ALDH1A2: variants seen among roughly 807,000 people sequenced by gnomAD.
ALDH1A2 encodes the protein retinal dehydrogenase 2.
Under a neutral mutation model 60.3 loss-of-function variants are expected in ALDH1A2, and 27 were observed. The observed-to-expected ratio is 0.45, with a 90% CI of 0.33 to 0.62. The LOEUF (loss-of-function observed/expected upper bound fraction) is 0.62. Among genes scored for constraint, ALDH1A2 ranks in the 20% least tolerant of loss-of-function variants. The pLI is 0.02. For missense variants in ALDH1A2, 581 were observed against 643.8 expected (o/e 0.90, Z 1.06); for synonymous variants, 289 against 232.4 (o/e 1.24, Z -2.21).
chr15:57,981,317 CACACACACACAG>C (rs1368597389), intron 7 of ALDH1A2, among the ~76,000 whole-genome samples: 1,966 of 150,070 alleles, frequency 0.013, 49 homozygotes, highest in African/African-American at 0.046. Flanking sequence ...CACACACACA[CACACACACACAG>C]ACACACACAA....
At position 57,962,111 on chromosome 15, in the gene ALDH1A2, C is replaced by A; in HGVS notation, c.1152G>T (p.Lys384Asn). The change falls in exon 10 of 13, where the codon AAG becomes AAT. Residue 384 changes from lysine (K) to asparagine (N), a missense_variant. Around this residue, in one of 2 missense-constraint regions of ALDH1A2, gnomAD observed 375 missense variants for 469.7 expected, o/e 0.80. Coordinates refer to ENST00000249750, the MANE Select transcript of ALDH1A2 (RefSeq NM_003888.4). ...LIQSGVAEGA[K>N]LECGGKGLGR... ...CCAGTCCTTTGCCTCCACATTCCAG[C>A]TTGGCGCCCTCAGCCACACCACTCT... 6.2e-7 allele frequency: 1 copy of A among 1,614,162 alleles called. No homozygotes were observed. The highest frequency in any genetic ancestry group is 1.3e-5 in the African/African-American group (1 of 75,050).
At position 58,065,621 on chromosome 15, in the gene ALDH1A2, G is replaced by A. The variant is rs752225219; in HGVS notation, c.30C>T (p.Gly10=). 1 of 1,607,022 alleles carries A rather than the reference G, an allele frequency of 6.2e-7. No homozygotes were observed. The highest frequency in any genetic ancestry group is 8.5e-7 in the Non-Finnish European group (1 of 1,176,330). ...GGGCGGCGGGGTCGGCCTTCACCTC[G>A]CCGGGCATCTCTATCTTGCTGGAAG... MTSSKIEMP[G]EVKADPAALM... Residue 10 remains glycine, a synonymous_variant, in exon 1 of 13, where the codon GGC becomes GGT. Transcript: ENST00000249750.
chr15:57,999,169 G>C lies in ALDH1A2; in HGVS notation c.494-4030C>G, dbSNP rs148643691. 1.9e-4 allele frequency among the ~76,000 whole-genome samples: 29 copies of C among 152,154 alleles called. No homozygotes were observed. The East Asian group carries it at 5.4e-3, about 28-fold the overall frequency. On this transcript the variant is annotated intron_variant, in intron 4 of 12. Coordinates refer to ENST00000249750, the MANE Select transcript of ALDH1A2 (RefSeq NM_003888.4). Reference sequence around the variant, plus strand: ...AGATTGCATGATGAAAACGTCAAAAGCAATCGCAACAAAAGCAAAAATTGA... The same window carrying C: ...AGATTGCATGATGAAAACGTCAAAACCAATCGCAACAAAAGCAAAAATTGA...
Position 57,992,925 on chromosome 15 carries a change from C to T in ALDH1A2, c.684+20G>A. On this transcript the variant is annotated intron_variant, in intron 6 of 12. Transcript: ENST00000249750. ...GCTGTAAGGGGAGTCAGAAGCACTC[C>T]CGAAGTCCGTTTCTCTTACCTCCTT... 1 of 1,614,040 alleles carries T rather than the reference C, an allele frequency of 6.2e-7. No individual in the cohort carries two copies.
chr15:58,060,886 A>G (rs569963913), intron 1 of ALDH1A2, among the ~76,000 whole-genome samples: 21 of 152,324 alleles, frequency 1.4e-4, no homozygotes, highest in African/African-American at 4.8e-4. Flanking sequence ...CTCAGAACTG[A>G]TAACTCTGGG....
chr15:57,992,247 C>T (rs747289346), intron 7 of ALDH1A2, among the ~76,000 whole-genome samples: 2 of 152,114 alleles, frequency 1.3e-5, no homozygotes, highest in Admixed American at 6.5e-5. Flanking sequence ...CTATCTAGCC[C>T]TATACAGAAA....
chr15:58,024,976 C>A (rs1444188081), intron 1 of ALDH1A2, among the ~76,000 whole-genome samples: 1 of 151,998 alleles, frequency 6.6e-6, no homozygotes, highest in Non-Finnish European at 1.5e-5. Flanking sequence ...TTAAAAACTT[C>A]TTGAAACAAA....
chr15:57,980,704 T>C (rs1256501989), intron 7 of ALDH1A2: 1 of 162,332 alleles, frequency 6.2e-6, no homozygotes, highest in Non-Finnish European at 1.4e-5. Context: ...CTTTTTGATG[T>C]GCTGCTGGAT....
At chr15:58,000,542 C>A (rs941213047) in intron 4 of ALDH1A2, among the ~76,000 whole-genome samples, 33 of 151,912 alleles carry the variant, frequency 2.2e-4, no homozygotes, top group Non-Finnish European at 4.4e-5. Flanking sequence ...TACCTGTTAG[C>A]CTTAAGGAAA....
At chr15:57,998,116 G>A (rs907749256) in intron 4 of ALDH1A2, among the ~76,000 whole-genome samples, 2 of 151,998 alleles carry the variant, frequency 1.3e-5, no homozygotes, top group Non-Finnish European at 2.9e-5. Context: ...AAAGATGGAA[G>A]CATTCCCCTT....
intron 1 of ALDH1A2, among the ~76,000 whole-genome samples, chr15:58,060,006 T>G (rs1355680212): frequency 2.0e-5 from 3 of 152,208 alleles, no homozygotes; most frequent in African/African-American, 7.2e-5. Flanking sequence ...TATTGCAACC[T>G]CTGCCTCCTG....
intron 1 of ALDH1A2, among the ~76,000 whole-genome samples, chr15:58,030,287 A>G (rs1359482884): frequency 6.6e-6 from 1 of 152,186 alleles, no homozygotes; most frequent in East Asian, 1.9e-4. Context: ...AAGGACAAAA[A>G]CCACATGATT....
intron 1 of ALDH1A2, among the ~76,000 whole-genome samples, chr15:58,031,102 C>A (rs1477737649): frequency 6.6e-6 from 1 of 152,054 alleles, no homozygotes; most frequent in African/African-American, 2.4e-5. Flanking sequence ...AAGCTAGAGG[C>A]ATCATGCTAC....
intron 4 of ALDH1A2, among the ~76,000 whole-genome samples, chr15:58,010,077 C>A (rs1316066003): frequency 1.3e-5 from 2 of 151,932 alleles, no homozygotes; most frequent in African/African-American, 4.8e-5. Flanking sequence ...TGTCATGTAA[C>A]CTGAATCTTA....
intron 1 of ALDH1A2, among the ~76,000 whole-genome samples, chr15:58,057,722 C>A (rs1896932349): frequency 6.6e-6 from 1 of 152,144 alleles, no homozygotes; most frequent in South Asian, 2.1e-4. Context: ...GTGTGCATGA[C>A]CCCACTCCAC....
At chr15:58,019,114 C>T (rs1299271362) in intron 1 of ALDH1A2, among the ~76,000 whole-genome samples, 3 of 151,790 alleles carry the variant, frequency 2.0e-5, no homozygotes, top group Non-Finnish European at 2.9e-5. Context: ...TATTTTTGAA[C>T]TTTATTTTTG....
intron 3 of ALDH1A2, among the ~76,000 whole-genome samples, chr15:58,013,194 T>C (rs1405337833): frequency 2.0e-5 from 3 of 152,190 alleles, no homozygotes; most frequent in Admixed American, 6.5e-5. Flanking sequence ...CCTCTGGTTC[T>C]GAAGGATTCC....
chr15:58,062,874 TA>T (rs1182041334), intron 1 of ALDH1A2, among the ~76,000 whole-genome samples: 1 of 152,208 alleles, frequency 6.6e-6, no homozygotes, highest in Non-Finnish European at 1.5e-5. Flanking sequence ...TGTAACTGCC[TA>T]AAAGTCCATA....
chr15:58,010,881 T>A, intron 3 of ALDH1A2, 103 bp from the exon 4 acceptor site: 1 of 1,411,190 alleles, frequency 7.1e-7, no homozygotes, highest in Non-Finnish European at 9.9e-7. Flanking sequence ...TACAAATGCA[T>A]ATGGAGTTGC....
Sources: gnomAD v4.1 joint callset for allele counts (sites outside exome capture counted in the v4.1 genomes callset) on GRCh38, gnomAD v4.1.1 for gene constraint, gnomAD v4.1.1 regional missense constraint, MANE v1.5 for transcripts, NCBI Gene and HGNC (gene_info 2026-07-23, HGNC 2026-07-21) for gene names.